Variants in RERE observed in about 807,000 individuals in gnomAD.
The protein encoded by RERE is arginine-glutamic acid dipeptide repeats.
A neutral mutation model predicts 146.1 loss-of-function variants in RERE; 40 were observed. That is an observed-to-expected ratio of 0.27 (90% CI 0.21 to 0.36). The LOEUF (loss-of-function observed/expected upper bound fraction) is 0.36, where lower values mean the gene tolerates loss of function less well. RERE is among the 10% of genes least tolerant of loss of function. RERE has a pLI of 1.00. For missense variants in RERE, 1,933 were observed against 2,138.7 expected (o/e 0.90, Z 1.90); for synonymous variants, 1,003 against 866.0 (o/e 1.16, Z -2.78).
rs951983578 is a variant in RERE, at chr1:8,360,258, C to A, written c.3249G>T (p.Gly1083=). The stretch of plus-strand genomic sequence containing the variant: ...GGACGGTGGGGAGTGGGCAGGACGA[C>A]CCCCCCGCTATGCTGCCTCCTGAAG... ...AAASGGSIAG[G]SSCPLPTVQI... is the part of the protein sequence containing the mutation. The change falls in exon 18 of 23, where the codon GGG becomes GGT. Residue 1083 remains glycine (G), a synonymous_variant. Transcript: ENST00000400908. 4 of 1,571,346 alleles carry A rather than the reference C, an allele frequency of 2.5e-6. No homozygotes were observed. The highest frequency in any genetic ancestry group is 1.8e-4 in the Middle Eastern group (1 of 5,700).
chr1:8,581,296 C>CT (rs1252281726), intron 4 of RERE, among the ~76,000 whole-genome samples: 1 of 152,246 alleles, frequency 6.6e-6, no homozygotes, highest in African/African-American at 2.4e-5. Flanking sequence ...GTTTAAGACT[C>CT]TGTCAATTTT....
At chr1:8,782,504 C>A (rs1205552467) in intron 1 of RERE, among the ~76,000 whole-genome samples, 1 of 152,082 alleles carries the variant, frequency 6.6e-6, no homozygotes, top group East Asian at 1.9e-4. Context: ...TAGGTATCTC[C>A]AACCCAGGTT....
Position 8,463,764 on chromosome 1 carries a change from C to A in RERE, c.1203+2161G>T, listed in dbSNP as rs138693684. 2.8e-3 allele frequency among the ~76,000 whole-genome samples: 429 copies of A among 152,086 alleles called. 2 individuals carry two copies. Among genetic ancestry groups the A allele is most frequent in the Middle Eastern group, 0.014 (4 of 292 alleles). On this transcript the variant is annotated intron_variant, in intron 11 of 22. Coordinates refer to ENST00000400908, the MANE Select transcript of RERE (RefSeq NM_001042681.2). The stretch of plus-strand genomic sequence containing the variant: ...GGGAAGGAGAGAGGACGCCAAAGGG[C>A]ATGGAGACTGAAGAGAGAGGAGATG...
intron 11 of RERE, among the ~76,000 whole-genome samples, chr1:8,438,358 G>A (rs546940410): frequency 1.2e-4 from 19 of 152,308 alleles, no homozygotes; most frequent in South Asian, 4.1e-4. Context: ...ATATACATAC[G>A]AAGAGGGAGA....
intron 11 of RERE, among the ~76,000 whole-genome samples, chr1:8,428,871 C>T (rs1471393874): frequency 1.3e-5 from 2 of 152,164 alleles, no homozygotes; most frequent in Non-Finnish European, 2.9e-5. Context: ...CATGCTATTG[C>T]TTGAGCCCAC....
At chr1:8,432,078 C>A (rs982344292) in intron 11 of RERE, among the ~76,000 whole-genome samples, 1 of 152,146 alleles carries the variant, frequency 6.6e-6, no homozygotes, top group Non-Finnish European at 1.5e-5. Flanking sequence ...CACACCCCTC[C>A]CCCCAACATT....
At chr1:8,602,092 T>TA (rs1318058239) in intron 4 of RERE, among the ~76,000 whole-genome samples, 1 of 152,002 alleles carries the variant, frequency 6.6e-6, no homozygotes, top group Non-Finnish European at 1.5e-5. Context: ...TGGCCAAACA[T>TA]AAAGAAATGA....
At chr1:8,716,015 C>T (rs1639757375) in intron 1 of RERE, among the ~76,000 whole-genome samples, 1 of 152,046 alleles carries the variant, frequency 6.6e-6, no homozygotes, top group Non-Finnish European at 1.5e-5. Flanking sequence ...CACAGTGGCT[C>T]ACACCTGTGG....
intron 8 of RERE, among the ~76,000 whole-genome samples, chr1:8,500,135 A>G (rs1645110068): frequency 6.6e-6 from 1 of 152,004 alleles, no homozygotes; most frequent in Admixed American, 6.5e-5. Context: ...TAATAACAAC[A>G]ATAATAATAA....
At chr1:8,718,986 G>A (rs1639811385) in intron 1 of RERE, among the ~76,000 whole-genome samples, 1 of 152,154 alleles carries the variant, frequency 6.6e-6, no homozygotes, top group South Asian at 2.1e-4. Context: ...AACAATTAAA[G>A]GAGGGCCTAA....
intron 1 of RERE, chr1:8,751,229 T>C (rs998027971): frequency 5.2e-5 from 11 of 211,164 alleles, no homozygotes; most frequent in African/African-American, 2.6e-4. Flanking sequence ...CAGCCCCCAT[T>C]TACAAACATC....
chr1:8,516,811 AT>A (rs1235687344), intron 7 of RERE, among the ~76,000 whole-genome samples: 1 of 152,220 alleles, frequency 6.6e-6, no homozygotes, highest in East Asian at 1.9e-4. Context: ...GATCAAAAGA[AT>A]TTTTTTAAGT....
chr1:8,744,062 T>C (rs1640371296), intron 1 of RERE, among the ~76,000 whole-genome samples: 1 of 152,124 alleles, frequency 6.6e-6, no homozygotes, highest in Non-Finnish European at 1.5e-5. Context: ...AAATAGACAG[T>C]CCCAGAAATT....
At chr1:8,758,235 G>A (rs900368510) in intron 1 of RERE, among the ~76,000 whole-genome samples, 2 of 151,742 alleles carry the variant, frequency 1.3e-5, no homozygotes, top group African/African-American at 2.4e-5. Context: ...ACAGGCCTGC[G>A]CCACCATGCC....
At chr1:8,759,838 TACACACACACACACACAC>T (rs369646175) in intron 1 of RERE, among the ~76,000 whole-genome samples, 1 of 142,230 alleles carries the variant, frequency 7.0e-6, no homozygotes, top group African/African-American at 2.6e-5. Flanking sequence ...ACTCTCTCTA[TACACACACACACACACAC>T]ACACACACAC....
chr1:8,758,595 C>T (rs1004215173), intron 1 of RERE, among the ~76,000 whole-genome samples: 1 of 151,722 alleles, frequency 6.6e-6, no homozygotes, highest in Admixed American at 6.6e-5. Flanking sequence ...CGAGGTCTCG[C>T]CAAGCTGGTC....
At chr1:8,538,727 C>A (rs1355318124) in intron 7 of RERE, among the ~76,000 whole-genome samples, 1 of 152,204 alleles carries the variant, frequency 6.6e-6, no homozygotes, top group Non-Finnish European at 1.5e-5. Flanking sequence ...GCACTTAAAA[C>A]ACACAAAGCA....
intron 7 of RERE, among the ~76,000 whole-genome samples, chr1:8,513,815 G>A (rs1645374587): frequency 2.0e-5 from 3 of 152,096 alleles, no homozygotes. Context: ...AACTCAACAA[G>A]TAATCATTTC....
At chr1:8,447,822 C>T (rs767404453) in intron 11 of RERE, among the ~76,000 whole-genome samples, 1 of 152,212 alleles carries the variant, frequency 6.6e-6, no homozygotes, top group Admixed American at 6.5e-5. Context: ...AGATCCAACT[C>T]GAGCCAGGCT....
Sources: allele counts gnomAD v4.1 joint callset (sites outside exome capture counted in the v4.1 genomes callset), GRCh38; gene constraint gnomAD v4.1.1; transcripts MANE v1.5; gene names NCBI Gene and HGNC (gene_info 2026-07-23, HGNC 2026-07-21).